The following QARS1 variants were observed in gnomAD, a reference collection of about 807,000 sequenced individuals.
The protein encoded by QARS1 is glutamine--tRNA ligase.
Under a neutral mutation model 106.9 loss-of-function variants are expected in QARS1, and 79 were observed. That is an observed-to-expected ratio of 0.74 (90% CI 0.62 to 0.89). QARS1 has a LOEUF of 0.89. Among genes scored for constraint, QARS1 ranks in the 40% least tolerant of loss-of-function variants. The pLI, the probability that QARS1 is intolerant of heterozygous loss-of-function variation, is 0.00. For synonymous variants in QARS1, 395 were observed against 367.7 expected (o/e 1.07, Z -0.85); for missense variants, 966 against 997.2 (o/e 0.97, Z 0.42).
Position 49,098,688 on chromosome 3 carries a change from G to A in QARS1, c.1868C>T (p.Pro623Leu), listed in dbSNP as rs1410755718. ...FIERTDFKEE[P>L]EPGFKRLAWG... is the part of the protein sequence containing the mutation. ...AGCCAGGCGCTTAAATCCTGGCTCT[G>A]GCTCCTAGAGATAGGAAGTGGGGTA... Residue 623 changes from proline (P) to leucine (L), a missense_variant, in exon 20 of 24, where the codon CCA becomes CTA. Pro to Leu is a moderately conservative substitution (Grantham distance 98, BLOSUM62 -3). Transcript: ENST00000306125. 1.2e-5 allele frequency: 19 copies of A among 1,593,168 alleles called. No individual in the cohort carries two copies. Among genetic ancestry groups the A allele is most frequent in the Non-Finnish European group, 1.6e-5 (19 of 1,170,748 alleles).
rs370583919 is a variant in QARS1 at position 49,101,488 on chromosome 3, T to G, written c.790-47A>C. 5 of 1,586,434 alleles carry G rather than the reference T, an allele frequency of 3.2e-6. No homozygotes were observed. In the African/African-American group the frequency reaches 6.7e-5, roughly 21 times the overall value. ...AAGAGAAATAAAGTCTGAGCTCAGA[T>G]GACCTTAAAGAAACAGATGTTCCCT... On this transcript the variant is annotated intron_variant, in intron 9 of 23. Transcript: ENST00000306125.
chr3:49,104,575 A>C lies in QARS1; in HGVS notation c.117+42T>G. On this transcript the variant is annotated intron_variant, in intron 1 of 23. Coordinates refer to ENST00000306125, the MANE Select transcript of QARS1 (RefSeq NM_005051.3). ...TGGACCCCGCCCCGCGCTGCGTTGCAGCATGGTCTGCAAACCAGGCCGGGG... is the reference window on the plus strand; with the variant it reads ...TGGACCCCGCCCCGCGCTGCGTTGCCGCATGGTCTGCAAACCAGGCCGGGG... 1.4e-5 allele frequency: 23 copies of C among 1,598,690 alleles called. 1 individual carries two copies. The Middle Eastern group carries it at 4.1e-3, about 284-fold the overall frequency.
chr3:49,097,204 T>C (rs1170977394), intron 23 of QARS1: 2 of 152,032 alleles, frequency 1.3e-5, no homozygotes, highest in Non-Finnish European at 2.9e-5. Context: ...GGCAGGAGAA[T>C]AGCTTGAGCC....
intron 10 of QARS1, 71 bp downstream of exon 10, chr3:49,101,284 G>T: frequency 8.3e-7 from 1 of 1,210,892 alleles, no homozygotes; most frequent in Non-Finnish European, 1.2e-6. Context: ...CAGCAAGGCA[G>T]GGATATGGTA....
intron 2 of QARS1, 147 bp downstream of exon 2, chr3:49,104,177 C>A: frequency 7.8e-7 from 1 of 1,278,854 alleles, no homozygotes; most frequent in Non-Finnish European, 1.1e-6. Flanking sequence ...GTGTCAGTCT[C>A]ACCATAGGCC....
chr3:49,102,901 C>T (rs1008110419), intron 5 of QARS1, among the ~76,000 whole-genome samples: 2 of 152,194 alleles, frequency 1.3e-5, no homozygotes, highest in African/African-American at 4.8e-5. Context: ...CCTCAGCCTC[C>T]CAATAGTGTT....
chr3:49,101,477 C>T (rs772182410), intron 9 of QARS1, 36 bp from the exon 10 acceptor site: 1 of 1,593,028 alleles, frequency 6.3e-7, no homozygotes, highest in Non-Finnish European at 8.6e-7. Flanking sequence ...GAAATAAAGT[C>T]TGAGCTCAGA....
At chr3:49,104,271 C>T in intron 2 of QARS1, 53 bp downstream of exon 2, 1 of 1,604,968 alleles carries the variant, frequency 6.2e-7, no homozygotes, top group Non-Finnish European at 8.5e-7. Context: ...AGACAGGGGT[C>T]TTGGCTGAAG....
chr3:49,103,570 T>C (rs1301318100), intron 4 of QARS1, 61 bp downstream of exon 4: 10 of 1,582,358 alleles, frequency 6.3e-6, no homozygotes, highest in Middle Eastern at 1.7e-4. Flanking sequence ...TTCTCACTCG[T>C]GCCCAGAAGA....
chr3:49,104,390 G>C lies in QARS1; in HGVS notation c.199C>G (p.Arg67Gly), dbSNP rs780618692. The change falls in exon 2 of 24, where the codon CGG becomes GGG. Residue 67 changes from arginine (R) to glycine (G), a missense_variant. Coordinates refer to ENST00000306125, the MANE Select transcript of QARS1 (RefSeq NM_005051.3). ...YGLASRLRDTRRLSFLVSYIA... is the reference protein window; with the variant it reads ...YGLASRLRDTGRLSFLVSYIA... ...TAGCTTACAAGGAAGGAGAGACGCCGGGTATCCCTGAGTCGGGAGGCCAAG... is the reference window on the plus strand; with the variant it reads ...TAGCTTACAAGGAAGGAGAGACGCCCGGTATCCCTGAGTCGGGAGGCCAAG... 1 of 1,614,194 alleles carries C rather than the reference G, an allele frequency of 6.2e-7. No individual in the cohort carries two copies. The highest frequency in any genetic ancestry group is 1.7e-5 in the Admixed American group (1 of 60,028).
rs756187773 is a variant in QARS1, at chr3:49,101,426, G to A, written c.805C>T (p.Pro269Ser). The A allele has an allele frequency of 6.2e-7, 1 of 1,613,734 alleles. No homozygotes were observed. The highest frequency in any genetic ancestry group is 1.7e-5 in the Admixed American group (1 of 60,010). Residue 269 changes from proline (P) to serine (S), a missense_variant, in exon 10 of 24, where the codon CCG (proline) becomes TCG (serine). Coordinates refer to ENST00000306125, the MANE Select transcript of QARS1 (RefSeq NM_005051.3). ...TGCAGGATTCCATTGGGTTCTGGCG[G>A]GAACCGGGTACGTACCTAAAATAAG... ...ITGGQVRTRF[P>S]PEPNGILHIG...
At chr3:49,103,462 C>G (rs929842668) in intron 4 of QARS1, 53 bp from the exon 5 acceptor site, 199 of 1,604,106 alleles carry the variant, frequency 1.2e-4, no homozygotes, top group Middle Eastern at 3.3e-4. Context: ...GTACTCCCCC[C>G]ACCTCTTTCC....
At chr3:49,102,044 C>T (rs1217326606) in intron 7 of QARS1, 145 bp from the exon 8 acceptor site, 3 of 1,320,836 alleles carry the variant, frequency 2.3e-6, no homozygotes, top group Non-Finnish European at 3.2e-6. Context: ...TCATGCCAGT[C>T]TCTGGGCAAA....
In QARS1 at chr3:49,102,616, C is replaced by T; in HGVS notation, c.517-144G>A. 5 of 802,104 alleles carry T rather than the reference C, an allele frequency of 6.2e-6. 1 individual carries two copies. In the Middle Eastern group the frequency reaches 1.1e-3, roughly 178 times the overall value. The allele number at this position is 802,104 out of a possible 1,614,324, so 49.7% of individuals were successfully genotyped here. A position where few individuals can be genotyped will look rare whatever the true frequency, so the allele number is the denominator to read the frequency against. ...CTACCTAGCCCATCCCATCTCTTCT[C>T]ATGTGGGTCTGCTAGCTTAAAATGC... On this transcript the variant is annotated intron_variant, in intron 5 of 23. Coordinates refer to ENST00000306125, the MANE Select transcript of QARS1 (RefSeq NM_005051.3).
chr3:49,098,252 C>T lies in QARS1; in HGVS notation c.2091G>A (p.Gln697=), dbSNP rs1227040183. The part of the protein sequence containing the change: ...CEVRLYERLF[Q]HKNPEDPTEV... ...CAGTAGGATCTTCAGGGTTCTTGTGCTGGAATCTGCAGCCAAAGTGAAGGT... is the reference window on the plus strand; with the variant it reads ...CAGTAGGATCTTCAGGGTTCTTGTGTTGGAATCTGCAGCCAAAGTGAAGGT... The change falls in exon 22 of 24, where the codon CAG becomes CAA. Residue 697 remains glutamine (Q), a synonymous_variant. Transcript: ENST00000306125. 1.9e-5 allele frequency: 30 copies of T among 1,614,088 alleles called. No individual in the cohort carries two copies. Among genetic ancestry groups the T allele is most frequent in the Non-Finnish European group, 2.2e-5 (26 of 1,180,052 alleles).
intron 23 of QARS1, chr3:49,097,272 G>A (rs2042404775): frequency 6.6e-6 from 1 of 152,058 alleles, no homozygotes; most frequent in Non-Finnish European, 1.5e-5. Context: ...CCCTGGGCAA[G>A]AGTAAGACCC....
Position 49,099,986 on chromosome 3 carries a change from G to C in QARS1, c.1270C>G (p.Pro424Ala), listed in dbSNP as rs918533004. 5.6e-6 allele frequency: 9 copies of C among 1,614,030 alleles called. No homozygotes were observed. Among genetic ancestry groups the C allele is most frequent in the Admixed American group, 1.7e-5 (1 of 60,000 alleles). ...DPVAYRVKYTPHHRTGDKWCI... is the reference protein window; with the variant it reads ...DPVAYRVKYTAHHRTGDKWCI... ...CATTTGTCCCCTGTGCGGTGGTGTG[G>C]TGTATACTTGACTCGATAGGCTACA... The change falls in exon 14 of 24, where the codon CCA becomes GCA. Residue 424 changes from proline (P) to alanine (A), a missense_variant. Transcript: ENST00000306125.
chr3:49,101,454 G>A lies in QARS1; in HGVS notation c.790-13C>T. 1 of 1,605,304 alleles carries A rather than the reference G, an allele frequency of 6.2e-7. No homozygotes were observed. Among genetic ancestry groups the A allele is most frequent in the Non-Finnish European group, 8.5e-7 (1 of 1,172,208 alleles). ...ACCGGGTACGTACCTAAAATAAGGG[G>A]GATGGGAAAAGAGAAATAAAGTCTG... is the stretch of plus-strand genomic sequence containing the variant. On this transcript the variant is annotated splice_polypyrimidine_tract_variant and intron_variant, in intron 9 of 23. Transcript: ENST00000306125.
chr3:49,100,128 A>G (rs752554860), intron 13 of QARS1, 37 bp from the exon 14 acceptor site: 1 of 1,614,240 alleles, frequency 6.2e-7, no homozygotes, highest in Non-Finnish European at 8.5e-7. Flanking sequence ...CTCTAAGCAC[A>G]GGAGCATCTC....
Sources: gnomAD v4.1 joint callset for allele counts (sites outside exome capture counted in the v4.1 genomes callset) on GRCh38, gnomAD v4.1.1 for gene constraint, MANE v1.5 for transcripts, NCBI Gene and HGNC (gene_info 2026-07-23, HGNC 2026-07-21) for gene names.